The following ATL1 variants were observed in gnomAD, a reference collection of about 807,000 sequenced individuals.
ATL1 encodes atlastin-1.
Under a neutral mutation model 75.5 loss-of-function variants are expected in ATL1, and 31 were observed. The ratio of observed to expected loss-of-function variants is 0.41; its 90% confidence interval spans 0.31 to 0.55. ATL1 has a LOEUF of 0.55. Ranked by LOEUF, ATL1 falls within the 20% of genes least tolerant of loss-of-function variation. The pLI, the probability that ATL1 is intolerant of heterozygous loss-of-function variation, is 0.27. For synonymous variants in ATL1, 226 were observed against 233.3 expected, an observed-to-expected ratio of 0.97 and a Z score of 0.28; for missense variants, 405 against 662.6, an observed-to-expected ratio of 0.61 and a Z score of 4.27.
At chr14:50,620,543 GC>G (rs1459476219) in intron 8 of ATL1, 55 bp from the exon 9 acceptor site, 2 of 1,565,042 alleles carry the variant, frequency 1.3e-6, no homozygotes, top group African/African-American at 1.4e-5. Flanking sequence ...TTATTCTGTG[GC>G]ATGGAGGACT....
intron 1 of ATL1, among the ~76,000 whole-genome samples, chr14:50,575,596 A>G (rs1381609343): frequency 6.6e-6 from 1 of 152,102 alleles, no homozygotes. Context: ...TTTAAGTTCT[A>G]CTGCTAGGAA....
chr14:50,535,331 C>T (rs967768936), intron 1 of ATL1, among the ~76,000 whole-genome samples: 1 of 152,090 alleles, frequency 6.6e-6, no homozygotes, highest in Non-Finnish European at 1.5e-5. Flanking sequence ...ATTTATTATC[C>T]AAGACAAAAT....
At chr14:50,632,113 A>G (rs1305550310) in intron 13 of ATL1, 116 bp from the exon 14 acceptor site, 1 of 635,228 alleles carries the variant, frequency 1.6e-6, no homozygotes, top group Non-Finnish European at 2.7e-6. Context: ...TATCGATTAA[A>G]AAAGATTTCA....
At chr14:50,592,803 C>T (rs977102771) in intron 4 of ATL1, among the ~76,000 whole-genome samples, 19 of 150,234 alleles carry the variant, frequency 1.3e-4, no homozygotes, top group Admixed American at 4.6e-4. Flanking sequence ...CCCAGCTACT[C>T]GGGAGGCTGA....
chr14:50,541,562 T>C (rs1674028115), intron 1 of ATL1, among the ~76,000 whole-genome samples: 1 of 152,170 alleles, frequency 6.6e-6, no homozygotes, highest in East Asian at 1.9e-4. Flanking sequence ...CTTGTTCATA[T>C]CACTTGGAAC....
chr14:50,550,672 T>G (rs2038691451), intron 1 of ATL1, among the ~76,000 whole-genome samples: 1 of 152,176 alleles, frequency 6.6e-6, no homozygotes, highest in African/African-American at 2.4e-5. Flanking sequence ...TCAATAAACT[T>G]AAGAAAATCA....
chr14:50,561,751 CTT>C (rs1311019263), intron 1 of ATL1, among the ~76,000 whole-genome samples: 1 of 152,112 alleles, frequency 6.6e-6, no homozygotes, highest in Non-Finnish European at 1.5e-5. Flanking sequence ...GATCATGAAA[CTT>C]CAGTTTTAAC....
intron 1 of ATL1, among the ~76,000 whole-genome samples, chr14:50,584,692 G>A (rs2039086094): frequency 6.6e-6 from 1 of 151,800 alleles, no homozygotes; most frequent in African/African-American, 2.4e-5. Flanking sequence ...CTGGGCGACA[G>A]AACGAGACTC....
chr14:50,578,939 G>A (rs2039031761), intron 1 of ATL1, among the ~76,000 whole-genome samples: 1 of 152,134 alleles, frequency 6.6e-6, no homozygotes, highest in Admixed American at 6.5e-5. Context: ...GTGAGTACAA[G>A]TTTACATCTG....
intron 1 of ATL1, among the ~76,000 whole-genome samples, chr14:50,575,340 A>G (rs1210312453): frequency 6.6e-6 from 1 of 151,954 alleles, no homozygotes; most frequent in African/African-American, 2.4e-5. Context: ...AATCCTTTTA[A>G]CCCTCTTCTT....
chr14:50,571,713 T>C (rs375990545), intron 1 of ATL1, among the ~76,000 whole-genome samples: 1 of 152,316 alleles, frequency 6.6e-6, no homozygotes, highest in African/African-American at 2.4e-5. Flanking sequence ...TTTAATACAT[T>C]ACTGGGTTTG....
Position 50,632,388 on chromosome 14 carries a change from TCA to T in ATL1, c.*50_*51del, listed in dbSNP as rs776366497. 4 of 1,277,202 alleles carry T rather than the reference TCA, an allele frequency of 3.1e-6. No homozygotes were observed. The highest frequency in any genetic ancestry group is 4.5e-6 in the Non-Finnish European group (4 of 882,202). The allele number at this position is 1,277,202 out of a possible 1,614,324, so 79.1% of individuals were successfully genotyped here. On this transcript the variant is annotated 3_prime_UTR_variant, in exon 14 of 14. Coordinates refer to ENST00000358385, the MANE Select transcript of ATL1 (RefSeq NM_015915.5). Reference sequence around the variant, plus strand: ...GCATGACCAATTGTCAATTAAATATTCAGTTTTATGTCTCCATGCAAACATTC... The same window carrying T: ...GCATGACCAATTGTCAATTAAATATTGTTTTATGTCTCCATGCAAACATTC...
chr14:50,572,783 T>A (rs960905081), intron 1 of ATL1, among the ~76,000 whole-genome samples: 6 of 152,208 alleles, frequency 3.9e-5, no homozygotes, highest in Non-Finnish European at 8.8e-5. Flanking sequence ...ATGTAGTAGA[T>A]TTATTATTGT....
rs186817729 is a variant in ATL1, at chr14:50,581,505, T to C, written c.35-6326T>C. ...GTGCTGTCAAAGACAAATTGACAAATAGATCAGAACATTCATCAGATCATT... is the reference window on the plus strand; with the variant it reads ...GTGCTGTCAAAGACAAATTGACAAACAGATCAGAACATTCATCAGATCATT... On this transcript the variant is annotated intron_variant, in intron 1 of 13. Transcript: ENST00000358385. 1.6e-4 allele frequency among the ~76,000 whole-genome samples: 24 copies of C among 152,282 alleles called. No individual in the cohort carries two copies. The East Asian group carries it at 3.7e-3, about 23-fold the overall frequency.
chr14:50,628,304 A>G lies in ATL1; in HGVS notation c.1393A>G (p.Thr465Ala). 2 of 1,614,160 alleles carry G rather than the reference A, an allele frequency of 1.2e-6. No homozygotes were observed. Among genetic ancestry groups the G allele is most frequent in the African/African-American group, 2.7e-5 (2 of 75,020 alleles). The change falls in exon 12 of 14, where the codon ACT becomes GCT. Residue 465 changes from threonine (T) to alanine (A), a missense_variant. Physicochemically the swap from Thr to Ala is moderately conservative, Grantham distance 58 (BLOSUM62 0). Coordinates refer to ENST00000358385, the MANE Select transcript of ATL1 (RefSeq NM_015915.5). ...IFITYVIAGV[T>A]GFIGLDIIAS... ...TATCACATATGTGATTGCTGGTGTGACTGGATTCATTGGTTTGGACATCAT... is the reference window on the plus strand; with the variant it reads ...TATCACATATGTGATTGCTGGTGTGGCTGGATTCATTGGTTTGGACATCAT...
Position 50,623,203 on chromosome 14 carries a change from A to C in ATL1, c.1074A>C (p.Ala358=), listed in dbSNP as rs1363756767. The C allele has an allele frequency of 1.1e-5, 18 of 1,614,022 alleles. No homozygotes were observed. The highest frequency in any genetic ancestry group is 1.4e-5 in the Non-Finnish European group (17 of 1,179,940). The change falls in exon 11 of 14, where the codon GCA becomes GCC. Residue 358 remains alanine, a synonymous_variant. Coordinates refer to ENST00000358385, the MANE Select transcript of ATL1 (RefSeq NM_015915.5). Reference sequence around the variant, plus strand: ...CCACAGCAGAAGCTAACAATTTAGCAGCCGTGGCAACTGCCAAGGACACAT... The same window carrying C: ...CCACAGCAGAAGCTAACAATTTAGCCGCCGTGGCAACTGCCAAGGACACAT... ...LQATAEANNL[A]AVATAKDTYN...
chr14:50,609,005 T>A (rs540183957), intron 6 of ATL1, among the ~76,000 whole-genome samples: 1 of 152,034 alleles, frequency 6.6e-6, no homozygotes, highest in African/African-American at 2.4e-5. Flanking sequence ...GAGGAGAGGC[T>A]CCATCTTATG....
At chr14:50,607,112 T>C (rs1157745342) in intron 6 of ATL1, among the ~76,000 whole-genome samples, 3 of 151,980 alleles carry the variant, frequency 2.0e-5, no homozygotes, top group African/African-American at 4.8e-5. Context: ...CAGATTCACC[T>C]GGAAGCAAAT....
intron 1 of ATL1, among the ~76,000 whole-genome samples, chr14:50,536,880 A>G (rs1274790572): frequency 6.6e-6 from 1 of 152,252 alleles, no homozygotes; most frequent in Non-Finnish European, 1.5e-5. Context: ...ATTCAGTCTT[A>G]TAAGGGAAGC....
Sources: allele counts gnomAD v4.1 joint callset (sites outside exome capture counted in the v4.1 genomes callset), GRCh38; gene constraint gnomAD v4.1.1; transcripts MANE v1.5; gene names NCBI Gene and HGNC (gene_info 2026-07-23, HGNC 2026-07-21).